MAN2A2: variants seen among roughly 807,000 people sequenced by gnomAD.
The protein encoded by MAN2A2 is alpha-mannosidase 2x.
In MAN2A2, 79 loss-of-function variants were observed where a neutral mutation model predicts 126.8. The observed-to-expected ratio is 0.62, with a 90% confidence interval of 0.52 to 0.75. The LOEUF is 0.75. Among genes scored for constraint, MAN2A2 ranks in the 30% least tolerant of loss-of-function variants. The pLI, the probability that MAN2A2 is intolerant of heterozygous loss-of-function variation, is 0.00. For missense variants in MAN2A2, 1,392 were observed against 1,522.4 expected, an observed-to-expected ratio of 0.91 and a Z score of 1.43; for synonymous variants, 671 against 618.7, an observed-to-expected ratio of 1.08 and a Z score of -1.25.
chr15:90,910,038 AT>A, intron 9 of MAN2A2, 51 bp from the exon 10 acceptor site: 1 of 1,531,222 alleles, frequency 6.5e-7, no homozygotes, highest in South Asian at 1.2e-5. Context: ...TGTGGCCACA[AT>A]TTGCAGGAGG....
At chr15:90,911,964 C>T (rs988787530) in intron 14 of MAN2A2, 79 bp from the exon 15 acceptor site, 38 of 1,220,226 alleles carry the variant, frequency 3.1e-5, no homozygotes, top group Non-Finnish European at 3.9e-5. Flanking sequence ...TGCTCAAGCC[C>T]TCTGTTAGTA....
chr15:90,917,054 T>C (rs1266486), intron 20 of MAN2A2, among the ~76,000 whole-genome samples: 70,185 of 152,048 alleles, frequency 0.46, 18,038 homozygotes, highest in African/African-American at 0.69. Flanking sequence ...GGCTGGGGAA[T>C]AGCAGTGAGT....
chr15:90,904,382 C>T (rs1043688868), intron 2 of MAN2A2, 43 bp downstream of exon 2: 57 of 1,597,080 alleles, frequency 3.6e-5, no homozygotes, highest in Non-Finnish European at 4.9e-5. Flanking sequence ...TACAAGTCAC[C>T]TGGGCTCAGG....
Position 90,916,130 on chromosome 15 carries a change from G to A in MAN2A2, c.2868G>A (p.Leu956=), listed in dbSNP as rs2035158082. The A allele has an allele frequency of 5.6e-6, 9 of 1,613,958 alleles. No homozygotes were observed. The highest frequency in any genetic ancestry group is 5.1e-6 in the Non-Finnish European group (6 of 1,180,000). ...CACTGTTTGCTTCCCCAGGCCAGCT[G>A]GAGGTGATCTTGGACCGGCGGCTGA... ...LGVSSLKDGQ[L]EVILDRRLMQ... The change falls in exon 20 of 23, where the codon CTG becomes CTA. Residue 956 remains leucine, a synonymous_variant. Transcript: ENST00000559717.
intron 1 of MAN2A2, 32 bp from the exon 2 acceptor site, chr15:90,904,158 G>C (rs2034056998): frequency 6.2e-7 from 1 of 1,613,636 alleles, no homozygotes; most frequent in Admixed American, 1.7e-5. Context: ...CATTTTGCAT[G>C]TTGGAGCTAC....
intron 20 of MAN2A2, chr15:90,916,687 A>T (rs568586642): frequency 7.8e-7 from 1 of 1,290,058 alleles, no homozygotes; most frequent in Admixed American, 2.3e-5. Flanking sequence ...GGAGCGGGGA[A>T]CTAGTACGAG....
chr15:90,911,296 C>T lies in MAN2A2; in HGVS notation c.1943+58C>T, dbSNP rs555238004. 12 of 1,613,452 alleles carry T rather than the reference C, an allele frequency of 7.4e-6. No individual in the cohort carries two copies. In the African/African-American group the frequency reaches 1.1e-4, roughly 14 times the overall value. ...GAGCCATTCCCTGGCTCTCAGGCCC[C>T]TCTGCCCCAGCATGTGCTGAACCAG... On this transcript the variant is annotated intron_variant, in intron 13 of 22. Coordinates refer to ENST00000559717, the MANE Select transcript of MAN2A2 (RefSeq NM_006122.4).
intron 16 of MAN2A2, 66 bp downstream of exon 16, chr15:90,912,730 G>T (rs71407347): frequency 0.074 from 119,053 of 1,603,660 alleles, 5,153 homozygotes; most frequent in South Asian, 0.15. Context: ...CTTCCCACAG[G>T]TTTATTGCTG....
At chr15:90,916,489 C>A in intron 20 of MAN2A2, 1 of 1,252,540 alleles carries the variant, frequency 8.0e-7, no homozygotes. Context: ...TGTTCGTCTC[C>A]CACTTTCCTC....
At position 90,910,927 on chromosome 15, in the gene MAN2A2, A is replaced by G; in HGVS notation, c.1841A>G (p.Tyr614Cys). The stretch of plus-strand genomic sequence containing the variant: ...CTGGTGCTGGGGGACAAGGAGACCT[A>G]CCACTTTGACCCTGAGGCGCCCTTC... Reference protein sequence around the residue: ...HYLVLGDKETYHFDPEAPFLQ... With the variant: ...HYLVLGDKETCHFDPEAPFLQ... Residue 614 changes from tyrosine (Y) to cysteine (C), a missense_variant, in exon 12 of 23, where the codon TAC becomes TGC. By Grantham distance (194) the Tyr-to-Cys change is radical. Coordinates refer to ENST00000559717, the MANE Select transcript of MAN2A2 (RefSeq NM_006122.4). 1 of 1,613,916 alleles carries G rather than the reference A, an allele frequency of 6.2e-7. No homozygotes were observed. The highest frequency in any genetic ancestry group is 1.3e-5 in the African/African-American group (1 of 74,952).
In MAN2A2 at chr15:90,911,507, C is replaced by G; in HGVS notation, c.2066C>G (p.Ala689Gly). 3.1e-6 allele frequency: 5 copies of G among 1,614,000 alleles called. No homozygotes were observed. Among genetic ancestry groups the G allele is most frequent in the Non-Finnish European group, 4.2e-6 (5 of 1,179,984 alleles). The change falls in exon 14 of 23, where the codon GCA becomes GGA. Residue 689 changes from alanine (A) to glycine (G), a missense_variant. Ala to Gly is a moderately conservative substitution (Grantham distance 60, BLOSUM62 0). Transcript: ENST00000559717. ...EGQPLAVQIS[A>G]HWSSATEAVP... ...CAGCCCCTGGCCGTGCAGATCAGCGCACACTGGAGCTCTGCCACCGAGGCG... is the reference window on the plus strand; with the variant it reads ...CAGCCCCTGGCCGTGCAGATCAGCGGACACTGGAGCTCTGCCACCGAGGCG...
At position 90,906,930 on chromosome 15, in the gene MAN2A2, T is replaced by C; in HGVS notation, c.1009+17T>C. The C allele has an allele frequency of 6.2e-7, 1 of 1,612,604 alleles. No homozygotes were observed. ...AGACATGGGGTAAGGCCGGGTAGGGTAGAGGGGGTTACTGCAGCATAGTCT... is the reference window on the plus strand; with the variant it reads ...AGACATGGGGTAAGGCCGGGTAGGGCAGAGGGGGTTACTGCAGCATAGTCT... On this transcript the variant is annotated intron_variant, in intron 7 of 22. Coordinates refer to ENST00000559717, the MANE Select transcript of MAN2A2 (RefSeq NM_006122.4).
At position 90,918,647 on chromosome 15, in the gene MAN2A2, G is replaced by A. The variant is rs770067648; in HGVS notation, c.3192G>A (p.Glu1064=). 15 of 1,514,850 alleles carry A rather than the reference G, an allele frequency of 9.9e-6. No individual in the cohort carries two copies. The highest frequency in any genetic ancestry group is 1.4e-5 in the Non-Finnish European group (15 of 1,090,678). 93.8% of individuals were successfully genotyped at this position (1,514,850 alleles called of 1,614,324 possible). A position where few individuals can be genotyped will look rare whatever the true frequency, so the allele number is the denominator to read the frequency against. The part of the protein sequence containing the change: ...LLNLRTLQAE[E]DTLPSAETAL... Reference sequence around the variant, plus strand: ...CCTGGGCACTGTCTGTCATCCAGGAGGACACCCTACCCTCGGCGGAGACCG... The same window carrying A: ...CCTGGGCACTGTCTGTCATCCAGGAAGACACCCTACCCTCGGCGGAGACCG... The change falls in exon 22 of 23, where the codon GAG becomes GAA. Residue 1064 remains glutamate (E), a splice_region_variant and synonymous_variant. Transcript: ENST00000559717.
At chr15:90,919,579 C>G (rs1286201904) in intron 22 of MAN2A2, 56 bp from the exon 23 acceptor site, 1 of 1,591,336 alleles carries the variant, frequency 6.3e-7, no homozygotes, top group Non-Finnish European at 8.6e-7. Flanking sequence ...TGAACAGCCA[C>G]ATTCTTTAGT....
intron 9 of MAN2A2, among the ~76,000 whole-genome samples, chr15:90,909,795 G>A (rs189510055): frequency 1.4e-4 from 22 of 152,228 alleles, no homozygotes; most frequent in African/African-American, 5.1e-4. Context: ...AGTAGAGATG[G>A]GGTTTCACTG....
chr15:90,909,553 T>C (rs2034558353), intron 9 of MAN2A2, 49 bp downstream of exon 9: 2 of 1,557,308 alleles, frequency 1.3e-6, no homozygotes, highest in Non-Finnish European at 1.8e-6. Flanking sequence ...CTGCAGCCCA[T>C]CCCTTCCCGT....
chr15:90,912,628 T>A lies in MAN2A2; in HGVS notation c.2433T>A (p.Ser811Arg). Residue 811 changes from serine to arginine, a missense_variant, in exon 16 of 23, where the codon AGT (serine) becomes AGA (arginine). Ser to Arg is a moderately radical substitution (Grantham distance 110). Coordinates refer to ENST00000559717, the MANE Select transcript of MAN2A2 (RefSeq NM_006122.4). Reference sequence around the variant, plus strand: ...GCACCCGTACGTCCAAAGACAAGAGTGGAGCCTACCTCTTCCTGCCCGATG... The same window carrying A: ...GCACCCGTACGTCCAAAGACAAGAGAGGAGCCTACCTCTTCCTGCCCGATG... ...VYGTRTSKDK[S>R]GAYLFLPDGE... 1 of 1,614,044 alleles carries A rather than the reference T, an allele frequency of 6.2e-7. No homozygotes were observed. Among genetic ancestry groups the A allele is most frequent in the Non-Finnish European group, 8.5e-7 (1 of 1,180,002 alleles).
At chr15:90,906,520 G>A (rs1345819295) in intron 6 of MAN2A2, 23 bp downstream of exon 6, 6 of 1,613,934 alleles carry the variant, frequency 3.7e-6, no homozygotes, top group Non-Finnish European at 4.2e-6. Flanking sequence ...CCAGGCATGG[G>A]GGTCTGCCCC....
rs1283185430 is a variant in MAN2A2 at position 90,913,592 on chromosome 15, TCTG to T, written c.2719-18_2719-16del. On this transcript the variant is annotated intron_variant, in intron 18 of 22. Coordinates refer to ENST00000559717, the MANE Select transcript of MAN2A2 (RefSeq NM_006122.4). ...CCACATGGTGCCCGGGTGCCCTTGA[TCTG>T]CTGGCCTTGCCCCCACAGGTGCAGC... 6.2e-7 allele frequency: 1 copy of T among 1,601,840 alleles called. No individual in the cohort carries two copies. Among genetic ancestry groups the T allele is most frequent in the Non-Finnish European group, 8.5e-7 (1 of 1,174,926 alleles).
Sources: gnomAD v4.1 joint callset for allele counts (sites outside exome capture counted in the v4.1 genomes callset) on GRCh38, gnomAD v4.1.1 for gene constraint, MANE v1.5 for transcripts, NCBI Gene and HGNC (gene_info 2026-07-23, HGNC 2026-07-21) for gene names.